The following DIP2B variants were observed in gnomAD, a reference collection of about 807,000 sequenced individuals.
DIP2B encodes DIP2 acetate--CoA ligase B (putative).
DIP2B carries 76 observed loss-of-function variants against 198.0 expected under a neutral mutation model. The observed-to-expected ratio is 0.38, with a 90% CI of 0.32 to 0.46. DIP2B has a LOEUF of 0.46. DIP2B is among the 20% of genes least tolerant of loss of function. The pLI is 0.99. For missense variants in DIP2B, 1,559 were observed against 1,978.4 expected (o/e 0.79, Z 4.02); for synonymous variants, 701 against 739.1 (o/e 0.95, Z 0.84).
intron 2 of DIP2B, among the ~76,000 whole-genome samples, chr12:50,637,207 CATA>C (rs1477053708): frequency 7.9e-5 from 12 of 152,130 alleles, no homozygotes. Context: ...GTTGTGAAGA[CATA>C]ATGAGATGGT....
intron 1 of DIP2B, among the ~76,000 whole-genome samples, chr12:50,542,248 C>CAAAAAAAAAAAAAAAA (rs35430997): frequency 5.9e-5 from 3 of 51,132 alleles, no homozygotes; most frequent in Non-Finnish European, 8.4e-5. Flanking sequence ...GACTCCGTCT[C>CAAAAAAAAAAAAAAAA]AAAAAAAAAA....
At chr12:50,665,310 G>GA (rs1938730588) in intron 4 of DIP2B, among the ~76,000 whole-genome samples, 1 of 152,162 alleles carries the variant, frequency 6.6e-6, no homozygotes, top group Non-Finnish European at 1.5e-5. Flanking sequence ...CTGTAAAGTA[G>GA]GAAGGGCAGA....
intron 1 of DIP2B, among the ~76,000 whole-genome samples, chr12:50,521,966 ATTTTATT>A (rs937555857): frequency 1.9e-4 from 28 of 150,994 alleles, no homozygotes; most frequent in African/African-American, 4.4e-4. Context: ...TATTTAATTT[ATTTTATT>A]TTTTATTTTT....
intron 2 of DIP2B, among the ~76,000 whole-genome samples, chr12:50,629,305 A>AT (rs1489784370): frequency 6.6e-6 from 1 of 152,096 alleles, no homozygotes; most frequent in Non-Finnish European, 1.5e-5. Flanking sequence ...TTCTCACTCC[A>AT]TATCAGTGGT....
chr12:50,526,021 A>G (rs1049963590), intron 1 of DIP2B, among the ~76,000 whole-genome samples: 2 of 152,196 alleles, frequency 1.3e-5, no homozygotes. Context: ...TCTTGTTCAT[A>G]TATTAATATG....
At chr12:50,579,771 C>T (rs990324400) in intron 1 of DIP2B, among the ~76,000 whole-genome samples, 27 of 142,978 alleles carry the variant, frequency 1.9e-4, no homozygotes, top group Non-Finnish European at 3.9e-4. Flanking sequence ...AAACTGTGGA[C>T]CACATTTTTG....
intron 1 of DIP2B, among the ~76,000 whole-genome samples, chr12:50,568,288 C>T (rs1028063810): frequency 6.6e-6 from 1 of 152,128 alleles, no homozygotes; most frequent in Admixed American, 6.6e-5. Flanking sequence ...AATTGGGGAT[C>T]CCCTTTTCCA....
chr12:50,675,556 G>C, intron 7 of DIP2B, 108 bp downstream of exon 7: 1 of 1,075,112 alleles, frequency 9.3e-7, no homozygotes, highest in Non-Finnish European at 1.3e-6. Context: ...CACAGTTCTT[G>C]GTTCAAAGAG....
chr12:50,723,866 C>T (rs536828192), intron 27 of DIP2B, among the ~76,000 whole-genome samples: 80 of 152,176 alleles, frequency 5.3e-4, no homozygotes, highest in Non-Finnish European at 9.1e-4. Context: ...TGTCAAGTCA[C>T]TTCTATTTTA....
chr12:50,729,495 G>C (rs902039538), intron 30 of DIP2B, among the ~76,000 whole-genome samples: 2 of 152,228 alleles, frequency 1.3e-5, no homozygotes, highest in Non-Finnish European at 2.9e-5. Context: ...CAGGATTCCT[G>C]AGCTTCTAGT....
At chr12:50,696,021 G>A (rs967531279) in intron 16 of DIP2B, 54 bp downstream of exon 16, 53 of 1,609,344 alleles carry the variant, frequency 3.3e-5, no homozygotes, top group Non-Finnish European at 4.2e-5. Flanking sequence ...GATAGATTAG[G>A]GTTTTTCGCC....
chr12:50,695,200 A>C, intron 14 of DIP2B, 67 bp from the exon 15 acceptor site: 1 of 1,293,338 alleles, frequency 7.7e-7, no homozygotes, highest in Non-Finnish European at 1.1e-6. Flanking sequence ...ACAAAATACC[A>C]GCTCAATTTT....
intron 1 of DIP2B, among the ~76,000 whole-genome samples, chr12:50,610,808 T>TG (rs1959025281): frequency 6.6e-6 from 1 of 150,390 alleles, no homozygotes. Flanking sequence ...GCCCAACCTT[T>TG]TTTTTTTTTT....
chr12:50,694,074 C>G (rs10506296), intron 14 of DIP2B, among the ~76,000 whole-genome samples: 9,642 of 152,180 alleles, frequency 0.063, 668 homozygotes, highest in East Asian at 0.32. Flanking sequence ...CTGTAAGAAA[C>G]AGGGACATTT....
intron 1 of DIP2B, among the ~76,000 whole-genome samples, chr12:50,561,234 G>A (rs577747423): frequency 3.8e-4 from 58 of 152,248 alleles, no homozygotes; most frequent in African/African-American, 1.3e-3. Context: ...CTGTGCTAGA[G>A]GCCATCATTT....
intron 2 of DIP2B, chr12:50,633,498 G>T (rs1938101613): frequency 1.3e-5 from 2 of 152,216 alleles, no homozygotes; most frequent in South Asian, 4.1e-4. Flanking sequence ...AGCATGGCTG[G>T]CTGGGCTCAG....
At position 50,660,159 on chromosome 12, in the gene DIP2B, C is replaced by T. The variant is rs777198568; in HGVS notation, c.302-35C>T. The stretch of plus-strand genomic sequence containing the variant: ...CACAGTGGTAAACACTTTCAAGAGC[C>T]GGAAGCTAATAAATGCAAATGTTTG... On this transcript the variant is annotated intron_variant, in intron 3 of 37. Transcript: ENST00000301180. 31 of 1,571,388 alleles carry T rather than the reference C, an allele frequency of 2.0e-5. No homozygotes were observed. In the East Asian group the frequency reaches 2.1e-4, roughly 11 times the overall value.
intron 1 of DIP2B, among the ~76,000 whole-genome samples, chr12:50,615,704 A>G (rs1473833517): frequency 5.3e-5 from 8 of 152,182 alleles, no homozygotes; most frequent in Non-Finnish European, 2.9e-5. Context: ...GGACTTTTGC[A>G]TTTATTCTCT....
intron 1 of DIP2B, among the ~76,000 whole-genome samples, chr12:50,605,341 C>T (rs12424202): frequency 0.021 from 3,157 of 152,104 alleles, 115 homozygotes; most frequent in Admixed American, 0.094. Context: ...CAGTATTTTG[C>T]GAGGCTAAGG....
Sources: gnomAD v4.1 joint callset for allele counts (sites outside exome capture counted in the v4.1 genomes callset) on GRCh38, gnomAD v4.1.1 for gene constraint, MANE v1.5 for transcripts, NCBI Gene and HGNC (gene_info 2026-07-23, HGNC 2026-07-21) for gene names.